Variants in SPECC1L observed in about 807,000 individuals in gnomAD.
SPECC1L encodes the protein sperm antigen with calponin homology and coiled-coil domains 1 like.
In SPECC1L, 40 loss-of-function variants were observed where a neutral mutation model predicts 116.8. The ratio of observed to expected loss-of-function variants is 0.34; its 90% CI spans 0.27 to 0.45. SPECC1L has a LOEUF of 0.45. Ranked by LOEUF, SPECC1L falls within the 20% of genes least tolerant of loss-of-function variation. SPECC1L has a pLI of 1.00. For missense variants in SPECC1L, 1,110 were observed against 1,373.6 expected (o/e 0.81, Z 3.03); for synonymous variants, 504 against 500.6 (o/e 1.01, Z -0.09).
At chr22:24,275,355 TGC>T (rs2048816718) in intron 1 of SPECC1L, among the ~76,000 whole-genome samples, 1 of 152,226 alleles carries the variant, frequency 6.6e-6, no homozygotes. Flanking sequence ...CTCCCAGTAG[TGC>T]GTACCAACTT....
At chr22:24,345,573 GACAA>G (rs1050021122) in intron 10 of SPECC1L, among the ~76,000 whole-genome samples, 7 of 152,228 alleles carry the variant, frequency 4.6e-5, no homozygotes, top group Non-Finnish European at 7.4e-5. Context: ...TCAGTAAGAA[GACAA>G]ACAACCCAAT....
intron 11 of SPECC1L, among the ~76,000 whole-genome samples, chr22:24,359,382 C>T (rs1393588539): frequency 6.6e-6 from 1 of 152,228 alleles, no homozygotes; most frequent in Non-Finnish European, 1.5e-5. Flanking sequence ...GCCTGGTCCA[C>T]ATCTTTCCCT....
chr22:24,364,135 A>G (rs2146626512), intron 12 of SPECC1L, among the ~76,000 whole-genome samples: 1 of 152,226 alleles, frequency 6.6e-6, no homozygotes, highest in African/African-American at 2.4e-5. Flanking sequence ...CGTTCTGATT[A>G]CCTGGCAATA....
At chr22:24,338,247 G>T (rs1041002593) in intron 9 of SPECC1L, 139 bp from the exon 10 acceptor site, 2 of 821,062 alleles carry the variant, frequency 2.4e-6, no homozygotes, top group Middle Eastern at 2.2e-4. Flanking sequence ...CAAGTGTTCA[G>T]CAGAGGCTAG....
At chr22:24,403,177 G>T (rs1052544933) in intron 14 of SPECC1L, among the ~76,000 whole-genome samples, 1 of 152,170 alleles carries the variant, frequency 6.6e-6, no homozygotes, top group Non-Finnish European at 1.5e-5. Flanking sequence ...GGAGAAAATG[G>T]GGCAGAGCTT....
At chr22:24,332,010 G>A (rs935358887) in intron 8 of SPECC1L, among the ~76,000 whole-genome samples, 2 of 152,338 alleles carry the variant, frequency 1.3e-5, no homozygotes, top group East Asian at 1.9e-4. Context: ...GTGAGGTCAC[G>A]TTGAGGAAAG....
At chr22:24,298,016 A>G (rs2049300485) in intron 2 of SPECC1L, among the ~76,000 whole-genome samples, 1 of 152,316 alleles carries the variant, frequency 6.6e-6, no homozygotes, top group African/African-American at 2.4e-5. Flanking sequence ...TAACTTTATC[A>G]TAGGTGGTAT....
intron 2 of SPECC1L, 138 bp from the exon 3 acceptor site, chr22:24,302,057 A>C (rs1426338871): frequency 1.4e-6 from 1 of 695,336 alleles, no homozygotes; most frequent in Non-Finnish European, 2.4e-6. Context: ...AAAAAAAAAA[A>C]AAATTTTTTT....
At chr22:24,413,078 A>C (rs2146826286) in intron 16 of SPECC1L, among the ~76,000 whole-genome samples, 1 of 152,262 alleles carries the variant, frequency 6.6e-6, no homozygotes, top group Non-Finnish European at 1.5e-5. Flanking sequence ...GCTGTCAAAA[A>C]CACCACACCA....
chr22:24,350,580 C>T (rs1036763496), intron 11 of SPECC1L, among the ~76,000 whole-genome samples: 1 of 152,166 alleles, frequency 6.6e-6, no homozygotes, highest in South Asian at 2.1e-4. Context: ...AGATTTTAGA[C>T]GCCTGAGTTG....
rs2042771522 is a variant in SPECC1L, at chr22:24,414,763, G to T, written c.*140G>T. The T allele has an allele frequency of 6.9e-6, 5 of 725,434 alleles. No individual in the cohort carries two copies. The highest frequency in any genetic ancestry group is 1.2e-5 in the Non-Finnish European group (5 of 416,622). The allele number at this position is 725,434 out of a possible 1,614,324, so 44.9% of individuals were successfully genotyped here. On this transcript the variant is annotated 3_prime_UTR_variant, in exon 17 of 17. Coordinates refer to ENST00000314328, the MANE Select transcript of SPECC1L (RefSeq NM_015330.6). ...ACAGCGTGTGAGCCTCCAGCTCGGG[G>T]CTTCCGTATTGGAAGAACTCAGCCG...
At chr22:24,287,047 G>A (rs527330454) in intron 2 of SPECC1L, among the ~76,000 whole-genome samples, 158 of 152,310 alleles carry the variant, frequency 1.0e-3, no homozygotes, top group African/African-American at 3.7e-3. Context: ...AAGAGGGATG[G>A]GGGGCCAACC....
intron 2 of SPECC1L, among the ~76,000 whole-genome samples, chr22:24,296,517 T>A (rs9624451): frequency 1.0e-3 from 156 of 152,026 alleles, no homozygotes; most frequent in African/African-American, 3.6e-3. Flanking sequence ...TTGACTTTCC[T>A]GGACTAGAGG....
chr22:24,369,972 C>T (rs1458228935), intron 14 of SPECC1L, among the ~76,000 whole-genome samples: 1 of 152,208 alleles, frequency 6.6e-6, no homozygotes, highest in Non-Finnish European at 1.5e-5. Flanking sequence ...GAGATTCTCC[C>T]CAGCTTGCAG....
intron 2 of SPECC1L, among the ~76,000 whole-genome samples, chr22:24,287,091 C>T (rs1348071329): frequency 6.6e-6 from 1 of 152,088 alleles, no homozygotes; most frequent in East Asian, 1.9e-4. Flanking sequence ...ACTAAGGACA[C>T]GGCAGTGGAG....
intron 2 of SPECC1L, among the ~76,000 whole-genome samples, chr22:24,289,697 CT>C (rs74338225): frequency 0.012 from 1,713 of 139,644 alleles, 7 homozygotes; most frequent in Non-Finnish European, 0.015. Flanking sequence ...TAACTACCTC[CT>C]TTTTTTTTTT....
rs1307343005 is a variant in SPECC1L at position 24,363,839 on chromosome 22, G to A, written c.2827+495G>A. The stretch of plus-strand genomic sequence containing the variant: ...TGCCCTCTGGATCTTTAAGGGCATT[G>A]CTTTACTAATGCAGAGTTACATTCT... On this transcript the variant is annotated intron_variant, in intron 12 of 16. Transcript: ENST00000314328. 4.3e-5 allele frequency among the ~76,000 whole-genome samples: 6 copies of A among 138,576 alleles called. No individual in the cohort carries two copies. The East Asian group carries it at 1.3e-3, about 30-fold the overall frequency. 90.9% of individuals were successfully genotyped at this position (138,576 alleles called of 152,430 possible).
intron 14 of SPECC1L, among the ~76,000 whole-genome samples, chr22:24,388,255 C>T (rs1327906031): frequency 1.5e-5 from 2 of 133,398 alleles, no homozygotes; most frequent in African/African-American, 5.6e-5. Flanking sequence ...ACAACAGGCC[C>T]CTGTGTGTTA....
intron 14 of SPECC1L, among the ~76,000 whole-genome samples, chr22:24,403,249 G>A (rs1239168340): frequency 6.6e-6 from 1 of 152,084 alleles, no homozygotes; most frequent in Non-Finnish European, 1.5e-5. Context: ...CATCTCTCTT[G>A]TTTTGTCGAC....
Sources: gnomAD v4.1 joint callset for allele counts (sites outside exome capture counted in the v4.1 genomes callset) on GRCh38, gnomAD v4.1.1 for gene constraint, MANE v1.5 for transcripts, NCBI Gene and HGNC (gene_info 2026-07-23, HGNC 2026-07-21) for gene names.